The following FNDC3A variants were observed in gnomAD, a reference collection of about 807,000 sequenced individuals.
The protein encoded by FNDC3A is fibronectin type-III domain-containing protein 3A.
A neutral mutation model predicts 148.9 loss-of-function variants in FNDC3A; 32 were observed. The observed-to-expected ratio is 0.21, with a 90% confidence interval of 0.16 to 0.29. The LOEUF (loss-of-function observed/expected upper bound fraction) is 0.29, where lower values mean the gene tolerates loss of function less well. Among genes scored for constraint, FNDC3A ranks in the 10% least tolerant of loss-of-function variants. FNDC3A has a pLI of 1.00. For missense variants in FNDC3A, 1,191 were observed against 1,452.8 expected (o/e 0.82, Z 2.93); for synonymous variants, 472 against 473.6 (o/e 1.00, Z 0.04).
chr13:48,998,054 G>A (rs1031097905), intron 1 of FNDC3A, among the ~76,000 whole-genome samples: 1 of 152,108 alleles, frequency 6.6e-6, no homozygotes, highest in Non-Finnish European at 1.5e-5. Context: ...TGAAAACATG[G>A]GTGATAGGCC....
At chr13:49,162,527 T>A (rs1220992985) in intron 8 of FNDC3A, among the ~76,000 whole-genome samples, 1 of 152,184 alleles carries the variant, frequency 6.6e-6, no homozygotes, top group Non-Finnish European at 1.5e-5. Context: ...TTTCAAGGTT[T>A]TTAGCTTCCT....
At position 49,191,449 on chromosome 13, in the gene FNDC3A, T is replaced by A. The variant is rs1375388220; in HGVS notation, c.2226+65T>A. Reference sequence around the variant, plus strand: ...GATATATGTTTCATTTTAACATATATCATCATATCCATTATTTGGCCATTT... The same window carrying A: ...GATATATGTTTCATTTTAACATATAACATCATATCCATTATTTGGCCATTT... On this transcript the variant is annotated intron_variant, in intron 19 of 25. Transcript: ENST00000492622. 3.0e-6 allele frequency: 4 copies of A among 1,330,002 alleles called. No homozygotes were observed. The East Asian group carries it at 7.3e-5, about 24-fold the overall frequency. 82.4% of individuals were successfully genotyped at this position (1,330,002 alleles called of 1,614,324 possible).
In FNDC3A at chr13:49,017,327, T is replaced by G. The variant is rs915211330; in HGVS notation, c.99+11038T>G. ...TATATTTAGGATAGTTAGCTCTTCT[T>G]GTTGAATTGATCCCTTTACCATTAT... On this transcript the variant is annotated intron_variant, in intron 2 of 25. Coordinates refer to ENST00000492622, the MANE Select transcript of FNDC3A (RefSeq NM_001079673.2). Among the ~76,000 whole-genome samples the G allele has an allele frequency of 5.3e-5, 8 of 152,334 alleles. 1 individual carries two copies. Among genetic ancestry groups the G allele is most frequent in the African/African-American group, 1.9e-4 (8 of 41,564 alleles).
At chr13:49,064,409 C>CA (rs1314963487) in intron 2 of FNDC3A, among the ~76,000 whole-genome samples, 1 of 83,714 alleles carries the variant, frequency 1.2e-5, no homozygotes, top group African/African-American at 3.4e-5. Flanking sequence ...CCGCCCCCCC[C>CA]CCAAAAAAAA....
intron 2 of FNDC3A, among the ~76,000 whole-genome samples, chr13:49,038,404 A>C (rs55840837): frequency 1.3e-5 from 2 of 152,278 alleles, no homozygotes; most frequent in Non-Finnish European, 2.9e-5. Flanking sequence ...GCCCTAATCC[A>C]ATATGGCTGG....
At chr13:49,064,810 C>T (rs561699173) in intron 2 of FNDC3A, among the ~76,000 whole-genome samples, 1 of 152,120 alleles carries the variant, frequency 6.6e-6, no homozygotes, top group Non-Finnish European at 1.5e-5. Context: ...TAGATGACCA[C>T]ATAACATACA....
chr13:49,046,517 A>G (rs9535136), intron 2 of FNDC3A: 98,823 of 160,062 alleles, frequency 0.62, 31,347 homozygotes, highest in Non-Finnish European at 0.68. Flanking sequence ...ACTTTTATCC[A>G]TGTTTCAACT....
intron 4 of FNDC3A, among the ~76,000 whole-genome samples, chr13:49,121,362 T>C (rs1005485346): frequency 2.6e-5 from 4 of 152,172 alleles, no homozygotes; most frequent in Non-Finnish European, 2.9e-5. Flanking sequence ...AGAGGGAAAT[T>C]TATAGCACTA....
chr13:49,055,247 G>A (rs1876143944), intron 2 of FNDC3A, among the ~76,000 whole-genome samples: 1 of 152,038 alleles, frequency 6.6e-6, no homozygotes, highest in Non-Finnish European at 1.5e-5. Context: ...GGGAATACAA[G>A]CATGCACCAC....
intron 8 of FNDC3A, among the ~76,000 whole-genome samples, chr13:49,150,288 T>C (rs1883215192): frequency 6.6e-6 from 1 of 152,152 alleles, no homozygotes; most frequent in African/African-American, 2.4e-5. Context: ...CTGATCTTTA[T>C]TATTTCTTCC....
At chr13:49,048,539 TG>T (rs1875590476) in intron 2 of FNDC3A, among the ~76,000 whole-genome samples, 1 of 152,140 alleles carries the variant, frequency 6.6e-6, no homozygotes, top group East Asian at 1.9e-4. Flanking sequence ...TTCACCTCCT[TG>T]GTTAGGTATA....
chr13:49,116,817 A>C (rs1245951801), intron 4 of FNDC3A, among the ~76,000 whole-genome samples: 1 of 151,348 alleles, frequency 6.6e-6, no homozygotes, highest in Non-Finnish European at 1.5e-5. Context: ...AATGTGTTAG[A>C]GCTGGTTATA....
chr13:49,208,498 C>T lies in FNDC3A; in HGVS notation c.*1103C>T, dbSNP rs561571118. 3.9e-5 allele frequency: 6 copies of T among 152,724 alleles called. No individual in the cohort carries two copies. The South Asian group carries it at 1.2e-3, about 32-fold the overall frequency. 9.5% of individuals were successfully genotyped at this position (152,724 alleles called of 1,614,324 possible). ...TCTTTCTTGAAAACTAAACGTTTAA[C>T]GTATAATGTCTGTTTGGATACTGTT... On this transcript the variant is annotated 3_prime_UTR_variant, in exon 26 of 26. Coordinates refer to ENST00000492622, the MANE Select transcript of FNDC3A (RefSeq NM_001079673.2).
At position 49,016,336 on chromosome 13, in the gene FNDC3A, G is replaced by T. The variant is rs558010413; in HGVS notation, c.99+10047G>T. 1.1e-3 allele frequency among the ~76,000 whole-genome samples: 167 copies of T among 152,234 alleles called. 2 individuals are homozygous for T. The Middle Eastern group carries it at 0.034, about 31-fold the overall frequency. On this transcript the variant is annotated intron_variant, in intron 2 of 25. Transcript: ENST00000492622. ...TTCTTCCTGGTTTAGTCTTGGGAGAGTGTATGTGTCGAGGAATGTATCCAT... is the reference window on the plus strand; with the variant it reads ...TTCTTCCTGGTTTAGTCTTGGGAGATTGTATGTGTCGAGGAATGTATCCAT...
intron 2 of FNDC3A, among the ~76,000 whole-genome samples, chr13:49,031,704 G>T (rs111531054): frequency 1.3e-5 from 2 of 151,978 alleles, no homozygotes; most frequent in Admixed American, 6.5e-5. Flanking sequence ...ATAAATCTCC[G>T]TGATCTTGAA....
intron 14 of FNDC3A, among the ~76,000 whole-genome samples, chr13:49,179,509 C>T (rs573485110): frequency 6.6e-6 from 1 of 152,302 alleles, no homozygotes; most frequent in African/African-American, 2.4e-5. Context: ...ATTGGTGATA[C>T]TTGCCTAAAT....
At chr13:49,016,254 G>A (rs1359084593) in intron 2 of FNDC3A, among the ~76,000 whole-genome samples, 4 of 151,960 alleles carry the variant, frequency 2.6e-5, no homozygotes, top group African/African-American at 7.3e-5. Context: ...TGGTTGGTAA[G>A]CTATTGATTA....
chr13:48,988,685 A>G (rs1450182884), intron 1 of FNDC3A, among the ~76,000 whole-genome samples: 3 of 151,916 alleles, frequency 2.0e-5, no homozygotes, highest in Admixed American at 2.0e-4. Flanking sequence ...TTACTAAATA[A>G]TAAGTAAATA....
intron 2 of FNDC3A, among the ~76,000 whole-genome samples, chr13:49,071,061 CT>C (rs35935869): frequency 0.24 from 20,225 of 83,828 alleles, 1,283 homozygotes; most frequent in Middle Eastern, 0.37. Context: ...CCCATGCCGG[CT>C]TTTTTTTTTT....
Sources: allele counts gnomAD v4.1 joint callset (sites outside exome capture counted in the v4.1 genomes callset), GRCh38; gene constraint gnomAD v4.1.1; transcripts MANE v1.5; gene names NCBI Gene and HGNC (gene_info 2026-07-23, HGNC 2026-07-21).